TET2: variants seen among roughly 807,000 people sequenced by gnomAD.
TET2 encodes the protein tet methylcytosine dioxygenase 2, also known as methylcytosine dioxygenase TET2.
TET2 carries 299 observed loss-of-function variants against 142.9 expected under a neutral mutation model. The observed-to-expected ratio is 2.09, with a 90% CI of 1.90 to 2.30. The LOEUF (loss-of-function observed/expected upper bound fraction) is 2.30. Among genes scored for constraint, TET2 ranks in the 30% most tolerant of loss-of-function variants. The pLI is 0.00. For synonymous variants in TET2, 819 were observed against 849.0 expected (o/e 0.96, Z 0.61); for missense variants, 2,418 against 2,378.0 (o/e 1.02, Z -0.35).
intron 8 of TET2, among the ~76,000 whole-genome samples, chr4:105,264,131 G>T (rs1342343431): frequency 2.7e-5 from 4 of 149,596 alleles, no homozygotes; most frequent in African/African-American, 4.9e-5. Context: ...TCGAACAATA[G>T]AGGCAAATTA....
At chr4:105,199,265 A>G (rs534717419) in intron 2 of TET2, among the ~76,000 whole-genome samples, 128 of 152,200 alleles carry the variant, frequency 8.4e-4, no homozygotes, top group Non-Finnish European at 2.5e-4. Flanking sequence ...GATACTGCAC[A>G]TCTATTAATA....
At chr4:105,274,191 G>C (rs1344598110) in intron 10 of TET2, among the ~76,000 whole-genome samples, 1 of 152,138 alleles carries the variant, frequency 6.6e-6, no homozygotes, top group African/African-American at 2.4e-5. Context: ...CTTTTAACTG[G>C]CTTCTGCAGG....
At chr4:105,252,498 G>C (rs1162748850) in intron 6 of TET2, among the ~76,000 whole-genome samples, 1 of 152,118 alleles carries the variant, frequency 6.6e-6, no homozygotes, top group Non-Finnish European at 1.5e-5. Flanking sequence ...GTTTTTGTGT[G>C]GACAAAAGTT....
At chr4:105,244,606 T>TTTTTTTTTTTTTTTTTTTTTTTC (rs1729493440) in intron 6 of TET2, among the ~76,000 whole-genome samples, 1 of 115,408 alleles carries the variant, frequency 8.7e-6, no homozygotes. Flanking sequence ...TTTTTTTTTT[T>TTTTTTTTTTTTTTTTTTTTTTTC]TTTTTTGAGA....
At position 105,190,748 on chromosome 4, in the gene TET2, A is replaced by T. The variant is rs1413157006; in HGVS notation, c.-47+243A>T. On this transcript the variant is annotated intron_variant, in intron 2 of 10. Coordinates refer to ENST00000380013, the MANE Select transcript of TET2 (RefSeq NM_001127208.3). Reference sequence around the variant, plus strand: ...AAAGATAGATTTTTATCAATTCTCAATGTCTATGGAGTTTTTAAAAAGAGG... The same window carrying T: ...AAAGATAGATTTTTATCAATTCTCATTGTCTATGGAGTTTTTAAAAAGAGG... The T allele has an allele frequency of 1.2e-5, 5 of 434,634 alleles. No individual in the cohort carries two copies. In the East Asian group the frequency reaches 1.8e-4, roughly 16 times the overall value. 26.9% of individuals were successfully genotyped at this position (434,634 alleles called of 1,614,324 possible).
intron 2 of TET2, among the ~76,000 whole-genome samples, chr4:105,220,689 C>T (rs1029157202): frequency 4.6e-5 from 7 of 152,118 alleles, no homozygotes; most frequent in Non-Finnish European, 7.4e-5. Flanking sequence ...GGCTATTGGA[C>T]GCCCTCTGTG....
In TET2 at chr4:105,234,374, G is replaced by T; in HGVS notation, c.432G>T (p.Leu144Phe). The T allele has an allele frequency of 6.2e-7, 1 of 1,614,064 alleles. No individual in the cohort carries two copies. Among genetic ancestry groups the T allele is most frequent in the Non-Finnish European group, 8.5e-7 (1 of 1,180,012 alleles). The stretch of plus-strand genomic sequence containing the variant: ...GCAGTCAACCAAATGTCTCCGATTT[G>T]AGTGATAAGAAAGAATCTGTGAGTT... The part of the protein sequence containing the change: ...GESSQPNVSD[L>F]SDKKESVSSV... The change falls in exon 3 of 11, where the codon TTG becomes TTT. Residue 144 changes from leucine to phenylalanine, a missense_variant. By Grantham distance (22) the Leu-to-Phe change is conservative (BLOSUM62 0). Transcript: ENST00000380013.
At chr4:105,263,398 T>C (rs1377966635) in intron 8 of TET2, among the ~76,000 whole-genome samples, 1 of 152,152 alleles carries the variant, frequency 6.6e-6, no homozygotes, top group Non-Finnish European at 1.5e-5. Context: ...GGCAAGAGAT[T>C]TTAAGGACCT....
chr4:105,236,005 A>G lies in TET2; in HGVS notation c.2063A>G (p.Asp688Gly). 1 of 1,614,190 alleles carries G rather than the reference A, an allele frequency of 6.2e-7. No homozygotes were observed. The highest frequency in any genetic ancestry group is 1.1e-5 in the South Asian group (1 of 91,084). Residue 688 changes from aspartate to glycine, a missense_variant, in exon 3 of 11, where the codon GAT (aspartate) becomes GGT (glycine). By Grantham distance (94) the Asp-to-Gly change is moderately conservative (BLOSUM62 -1). Transcript: ENST00000380013. ...GTRFHFQQRA[D>G]SQTEKLMSPV... ...AGATTTCATTTTCAACAAAGAGCAG[A>G]TTCCCAAACTGAAAAACTTATGTCC...
chr4:105,207,499 A>G (rs11943394), intron 2 of TET2, among the ~76,000 whole-genome samples: 13,401 of 152,014 alleles, frequency 0.088, 1,722 homozygotes, highest in African/African-American at 0.28. Flanking sequence ...GAGTTTTAAA[A>G]GACAAGTGGA....
intron 6 of TET2, among the ~76,000 whole-genome samples, chr4:105,246,999 T>C (rs1056768124): frequency 6.6e-6 from 1 of 152,222 alleles, no homozygotes; most frequent in Non-Finnish European, 1.5e-5. Context: ...GGAGTGTATC[T>C]GTCATCATAA....
chr4:105,259,654 C>G lies in TET2; in HGVS notation c.3839C>G (p.Thr1280Ser). The change falls in exon 7 of 11, where the codon ACC becomes AGC. Residue 1280 changes from threonine (T) to serine (S), a missense_variant. Transcript: ENST00000380013. Reference sequence around the variant, plus strand: ...GCCTGTCAGGGGCTGGATCCAGAAACCTGTGGTGCCTCCTTCTCTTTTGGT... The same window carrying G: ...GCCTGTCAGGGGCTGGATCCAGAAAGCTGTGGTGCCTCCTTCTCTTTTGGT... ...TCACQGLDPE[T>S]CGASFSFGCS... 6.4e-7 allele frequency: 1 copy of G among 1,551,028 alleles called. No homozygotes were observed. Among genetic ancestry groups the G allele is most frequent in the South Asian group, 1.2e-5 (1 of 84,002 alleles).
At chr4:105,268,844 G>T (rs184960552) in intron 8 of TET2, among the ~76,000 whole-genome samples, 1 of 152,074 alleles carries the variant, frequency 6.6e-6, no homozygotes, top group African/African-American at 2.4e-5. Flanking sequence ...ATGGTGGCGC[G>T]TGCTTATAGT....
At chr4:105,173,003 T>G (rs1724563702) in intron 1 of TET2, among the ~76,000 whole-genome samples, 1 of 152,192 alleles carries the variant, frequency 6.6e-6, no homozygotes, top group Non-Finnish European at 1.5e-5. Context: ...CAAATTAGTT[T>G]TATTTTTATA....
intron 2 of TET2, among the ~76,000 whole-genome samples, chr4:105,224,684 G>GTCTCTCTCTATCTCTC (rs1728066403): frequency 9.3e-6 from 1 of 108,106 alleles, no homozygotes; most frequent in Non-Finnish European, 1.9e-5. Context: ...ATATCAGCCA[G>GTCTCTCTCTATCTCTC]TCTCTCTCTC....
In TET2 at chr4:105,234,192, G is replaced by A. The variant is rs1291411016; in HGVS notation, c.250G>A (p.Gly84Arg). Residue 84 changes from glycine to arginine, a missense_variant, in exon 3 of 11, where the codon GGG becomes AGG. Gly to Arg is a moderately radical substitution (Grantham distance 125). Transcript: ENST00000380013. ...VSPDFTQESR[G>R]YSKCLQNGGI... ...TCCTGACTTTACACAAGAAAGTAGAGGGTATTCCAAGTGTTTGCAAAATGG... is the reference window on the plus strand; with the variant it reads ...TCCTGACTTTACACAAGAAAGTAGAAGGTATTCCAAGTGTTTGCAAAATGG... The A allele has an allele frequency of 6.2e-7, 1 of 1,614,154 alleles. No homozygotes were observed. The highest frequency in any genetic ancestry group is 1.7e-5 in the Admixed American group (1 of 60,028).
Position 105,275,071 on chromosome 4 carries a change from G to C in TET2, c.4561G>C (p.Val1521Leu), listed in dbSNP as rs1017611327. 1 of 1,544,942 alleles carries C rather than the reference G, an allele frequency of 6.5e-7. No individual in the cohort carries two copies. The highest frequency in any genetic ancestry group is 8.7e-7 in the Non-Finnish European group (1 of 1,143,890). ...LAELLRLSGP[V>L]MQQSQQPQPL... ...AGAACTTTTGCGACTTTCAGGACCA[G>C]TCATGCAGCAGTCCCAGCAGCCCCA... The change falls in exon 11 of 11, where the codon GTC (valine) becomes CTC (leucine). Residue 1521 changes from valine to leucine, a missense_variant. Transcript: ENST00000380013.
intron 1 of TET2, among the ~76,000 whole-genome samples, chr4:105,187,994 T>C (rs1298079488): frequency 6.6e-6 from 1 of 152,232 alleles, no homozygotes; most frequent in African/African-American, 2.4e-5. Flanking sequence ...CCCAGTAGTT[T>C]CGCTCTTAGG....
At position 105,272,741 on chromosome 4, in the gene TET2, G is replaced by GTA. The variant is rs1229075503; in HGVS notation, c.4361_4362insAT (p.Arg1455SerfsTer4). On this transcript the variant is annotated frameshift_variant, in exon 10 of 11. Transcript: ENST00000380013. LOFTEE classifies it high-confidence loss of function. Reference sequence around the variant, plus strand: ...GGTACTGAGTTCTTTTCGGCGAAAAGTCAGGATGTTAGCAGAGCCAGTCAA... The same window carrying GTA: ...GGTACTGAGTTCTTTTCGGCGAAAAGTATCAGGATGTTAGCAGAGCCAGTCAA... The GTA allele has an allele frequency of 6.4e-7, 1 of 1,551,586 alleles. No individual in the cohort carries two copies. Among genetic ancestry groups the GTA allele is most frequent in the Non-Finnish European group, 8.7e-7 (1 of 1,146,994 alleles).
Sources: gnomAD v4.1 joint callset for allele counts (sites outside exome capture counted in the v4.1 genomes callset) on GRCh38, gnomAD v4.1.1 for gene constraint, MANE v1.5 for transcripts, NCBI Gene and HGNC (gene_info 2026-07-23, HGNC 2026-07-21) for gene names.